Variants in BBS9 observed in about 807,000 individuals in gnomAD.
The protein encoded by BBS9 is protein PTHB1.
BBS9 carries 89 observed loss-of-function variants against 117.7 expected under a neutral mutation model. The observed-to-expected ratio is 0.76, with a 90% CI of 0.64 to 0.90. The LOEUF is 0.90. Among genes scored for constraint, BBS9 ranks in the 40% least tolerant of loss-of-function variants. The pLI is 0.00. For missense variants in BBS9, 982 were observed against 1,042.2 expected (o/e 0.94, Z 0.80); for synonymous variants, 379 against 370.9 (o/e 1.02, Z -0.25).
At chr7:33,528,610 T>C (rs7794579) in intron 20 of BBS9, among the ~76,000 whole-genome samples, 17,499 of 152,286 alleles carry the variant, frequency 0.11, 1,087 homozygotes, top group African/African-American at 0.15. Context: ...TCTCATTTCA[T>C]AGTCTCTTCC....
At chr7:33,141,389 C>T (rs55692505) in intron 1 of BBS9, among the ~76,000 whole-genome samples, 30,042 of 151,952 alleles carry the variant, frequency 0.2, 3,139 homozygotes, top group Non-Finnish European at 0.23. Context: ...CCACTATACT[C>T]CAGCCTGGGT....
At chr7:33,148,138 CAA>C (rs151142079) in intron 2 of BBS9, among the ~76,000 whole-genome samples, 190 of 152,256 alleles carry the variant, frequency 1.2e-3, no homozygotes, top group African/African-American at 4.4e-3. Context: ...GGAAAGTTAA[CAA>C]GAGCAGTTTT....
Position 33,492,852 on chromosome 7 carries a change from G to A in BBS9, c.2116-12611G>A, listed in dbSNP as rs1035262147. 9.7e-5 allele frequency among the ~76,000 whole-genome samples: 14 copies of A among 144,038 alleles called. No homozygotes were observed. In the South Asian group the frequency reaches 3.1e-3, roughly 32 times the overall value. 94.5% of individuals were successfully genotyped at this position (144,038 alleles called of 152,430 possible). On this transcript the variant is annotated intron_variant, in intron 19 of 22. Transcript: ENST00000242067. Reference sequence around the variant, plus strand: ...TGTGTGTGTGTGTGTGTGTGTGTGTGTGTATGTGTTGAAGGGTACAGTATG... The same window carrying A: ...TGTGTGTGTGTGTGTGTGTGTGTGTATGTATGTGTTGAAGGGTACAGTATG...
chr7:33,550,836 C>A (rs967592824), intron 21 of BBS9, among the ~76,000 whole-genome samples: 1 of 151,994 alleles, frequency 6.6e-6, no homozygotes, highest in African/African-American at 2.4e-5. Flanking sequence ...AAGTAAACAC[C>A]TTTAGTTGTA....
At chr7:33,569,527 G>A (rs755190736) in intron 21 of BBS9, among the ~76,000 whole-genome samples, 3 of 151,790 alleles carry the variant, frequency 2.0e-5, no homozygotes, top group South Asian at 2.1e-4. Flanking sequence ...AGGCCGAGGC[G>A]GGCAGATCAC....
intron 19 of BBS9, among the ~76,000 whole-genome samples, chr7:33,408,987 G>A (rs1194719252): frequency 1.3e-5 from 2 of 152,144 alleles, no homozygotes; most frequent in African/African-American, 4.8e-5. Flanking sequence ...TCATATGTTT[G>A]TTGGCTAATT....
chr7:33,393,487 G>A (rs1373648504), intron 19 of BBS9, among the ~76,000 whole-genome samples: 1 of 152,064 alleles, frequency 6.6e-6, no homozygotes, highest in Non-Finnish European at 1.5e-5. Context: ...TTTGCTCTGG[G>A]CACCTCAAAT....
intron 20 of BBS9, among the ~76,000 whole-genome samples, chr7:33,530,557 G>A (rs1384567600): frequency 6.6e-6 from 1 of 152,016 alleles, no homozygotes; most frequent in East Asian, 1.9e-4. Flanking sequence ...GGCTCCAATT[G>A]AAAACATGCC....
intron 19 of BBS9, among the ~76,000 whole-genome samples, chr7:33,493,240 T>A (rs1157634456): frequency 6.6e-6 from 1 of 152,150 alleles, no homozygotes; most frequent in Non-Finnish European, 1.5e-5. Flanking sequence ...AGTGATCGCC[T>A]GCCTTGGCCT....
chr7:33,141,966 C>T (rs113647687), intron 1 of BBS9, among the ~76,000 whole-genome samples: 13,042 of 151,126 alleles, frequency 0.086, 603 homozygotes, highest in South Asian at 0.13. Context: ...GATGGAGTCT[C>T]GCTCTTTTGC....
chr7:33,502,321 G>C (rs549731571), intron 19 of BBS9, among the ~76,000 whole-genome samples: 1 of 152,194 alleles, frequency 6.6e-6, no homozygotes, highest in African/African-American at 2.4e-5. Context: ...TAACATTTGT[G>C]GATTTTCATG....
At chr7:33,478,628 C>G (rs1842110146) in intron 19 of BBS9, among the ~76,000 whole-genome samples, 1 of 151,710 alleles carries the variant, frequency 6.6e-6, no homozygotes, top group Non-Finnish European at 1.5e-5. Context: ...TTGCTCTAGT[C>G]AAAACAATCA....
At chr7:33,225,309 C>T (rs747289068) in intron 5 of BBS9, among the ~76,000 whole-genome samples, 7 of 152,084 alleles carry the variant, frequency 4.6e-5, no homozygotes, top group Non-Finnish European at 1.0e-4. Flanking sequence ...GTGATCCTCC[C>T]GCCTCAGCCT....
At chr7:33,149,363 C>CT (rs2128101922) in intron 2 of BBS9, among the ~76,000 whole-genome samples, 1 of 152,098 alleles carries the variant, frequency 6.6e-6, no homozygotes, top group African/African-American at 2.4e-5. Context: ...TTGACCTCTA[C>CT]TTTTTTTTAG....
intron 5 of BBS9, among the ~76,000 whole-genome samples, chr7:33,219,572 T>A (rs1211219580): frequency 6.6e-6 from 1 of 152,150 alleles, no homozygotes; most frequent in Non-Finnish European, 1.5e-5. Context: ...GGTTTGTGAA[T>A]GCACCAATTG....
intron 19 of BBS9, among the ~76,000 whole-genome samples, chr7:33,429,862 C>A (rs1037636312): frequency 5.3e-5 from 8 of 151,950 alleles, no homozygotes; most frequent in Admixed American, 2.0e-4. Context: ...AATTAAAAAA[C>A]CTATAGTTTT....
intron 19 of BBS9, among the ~76,000 whole-genome samples, chr7:33,422,786 T>A (rs916276108): frequency 2.0e-5 from 3 of 152,186 alleles, no homozygotes; most frequent in Admixed American, 6.5e-5. Flanking sequence ...TTTTATTTTT[T>A]AAAAATAAAG....
At chr7:33,580,726 A>T (rs754684641) in intron 21 of BBS9, among the ~76,000 whole-genome samples, 1 of 152,180 alleles carries the variant, frequency 6.6e-6, no homozygotes, top group Non-Finnish European at 1.5e-5. Context: ...CTCTTCCAGA[A>T]ATAGCTGAAA....
intron 9 of BBS9, among the ~76,000 whole-genome samples, chr7:33,334,156 A>AT (rs1814775173): frequency 6.6e-6 from 1 of 152,162 alleles, no homozygotes; most frequent in African/African-American, 2.4e-5. Context: ...GGTTCAGATA[A>AT]TTTTTTAGAT....
Sources: allele counts gnomAD v4.1 joint callset (sites outside exome capture counted in the v4.1 genomes callset), GRCh38; gene constraint gnomAD v4.1.1; transcripts MANE v1.5; gene names NCBI Gene and HGNC (gene_info 2026-07-23, HGNC 2026-07-21).